TRAK2: variants seen among roughly 807,000 people sequenced by gnomAD.
TRAK2 encodes trafficking kinesin protein 2, also known as trafficking kinesin-binding protein 2.
Under a neutral mutation model 104.6 loss-of-function variants are expected in TRAK2, and 81 were observed. The observed-to-expected ratio is 0.77, with a 90% confidence interval of 0.65 to 0.93. TRAK2 has a LOEUF of 0.93. Ranked by LOEUF, TRAK2 falls within the 40% of genes least tolerant of loss-of-function variation. The pLI, the probability that TRAK2 is intolerant of heterozygous loss-of-function variation, is 0.00. For missense variants in TRAK2, 1,002 were observed against 1,089.0 expected (o/e 0.92, Z 1.12); for synonymous variants, 406 against 394.4 (o/e 1.03, Z -0.35).
intron 1 of TRAK2, among the ~76,000 whole-genome samples, chr2:201,437,685 C>A (rs73049565): frequency 0.012 from 1,876 of 152,154 alleles, 56 homozygotes; most frequent in African/African-American, 0.043. Flanking sequence ...ATTGCTACGG[C>A]CCTAGTTTAA....
At chr2:201,397,970 T>G in intron 6 of TRAK2, 175 bp downstream of exon 6, 1 of 619,994 alleles carries the variant, frequency 1.6e-6, no homozygotes, top group Non-Finnish European at 2.8e-6. Context: ...TATCCACTTT[T>G]CAGTGGGATC....
chr2:201,380,879 CA>C lies in TRAK2; in HGVS notation c.2408del (p.Leu803TrpfsTer16). 1 of 1,613,850 alleles carries C rather than the reference CA, an allele frequency of 6.2e-7. No individual in the cohort carries two copies. The highest frequency in any genetic ancestry group is 8.5e-7 in the Non-Finnish European group (1 of 1,179,944). ...GGAATGTCTCAGCTGGTCGAGAGGC[CA>C]AAAAATTTTCAGAGAGATGCACTCG... ...EPRVHLSENF[L>X]ASRPAETFLQ... On this transcript the variant is annotated frameshift_variant, in exon 16 of 16. Coordinates refer to ENST00000332624, the MANE Select transcript of TRAK2 (RefSeq NM_015049.3). LOFTEE classifies it high-confidence loss of function.
At chr2:201,388,121 A>G (rs1951409594) in intron 12 of TRAK2, 120 bp from the exon 13 acceptor site, 2 of 1,043,582 alleles carry the variant, frequency 1.9e-6, no homozygotes, top group Non-Finnish European at 2.9e-6. Flanking sequence ...ATTTTCCTAG[A>G]TACCTGGAAT....
intron 10 of TRAK2, 87 bp from the exon 11 acceptor site, chr2:201,389,967 T>A: frequency 1.0e-6 from 1 of 1,000,082 alleles, no homozygotes; most frequent in Non-Finnish European, 1.5e-6. Context: ...GGTTTTATAA[T>A]AAAATACAAG....
intron 2 of TRAK2, among the ~76,000 whole-genome samples, chr2:201,417,568 T>C (rs571586677): frequency 6.6e-6 from 1 of 152,252 alleles, no homozygotes; most frequent in African/African-American, 2.4e-5. Context: ...CTCATCCAAT[T>C]TGGAAGAGAA....
At chr2:201,405,989 A>T (rs562387421) in intron 3 of TRAK2, among the ~76,000 whole-genome samples, 55 of 152,338 alleles carry the variant, frequency 3.6e-4, no homozygotes, top group African/African-American at 1.3e-3. Context: ...GTCTCAAAAA[A>T]AAGAAAAGAA....
chr2:201,424,267 T>C (rs1951767290), intron 1 of TRAK2, among the ~76,000 whole-genome samples: 1 of 152,204 alleles, frequency 6.6e-6, no homozygotes, highest in Non-Finnish European at 1.5e-5. Flanking sequence ...CATTTTTAGG[T>C]AGGGAACCAA....
At chr2:201,413,944 C>T (rs749245718) in intron 2 of TRAK2, among the ~76,000 whole-genome samples, 5 of 152,170 alleles carry the variant, frequency 3.3e-5, no homozygotes, top group African/African-American at 9.7e-5. Context: ...TGGCATCAGA[C>T]GTAGCTTCTG....
chr2:201,400,643 G>C (rs973923876), intron 4 of TRAK2, among the ~76,000 whole-genome samples: 1 of 152,030 alleles, frequency 6.6e-6, no homozygotes, highest in African/African-American at 2.4e-5. Flanking sequence ...TAAAAAAGGG[G>C]AGATGCTCCA....
rs1420394645 is a variant in TRAK2, at chr2:201,432,154, T to C, written c.-199-11448A>G. On this transcript the variant is annotated intron_variant, in intron 1 of 15. Transcript: ENST00000332624. ...TCTCAATTGCTTGATAGCATCTTCT[T>C]TCAACCTAAGAAAGAATTTACTTCC... 2.0e-5 allele frequency among the ~76,000 whole-genome samples: 3 copies of C among 152,228 alleles called. No homozygotes were observed. In the East Asian group the frequency reaches 5.8e-4, roughly 29 times the overall value.
chr2:201,391,341 T>C (rs1484318764), intron 10 of TRAK2, among the ~76,000 whole-genome samples: 7 of 151,970 alleles, frequency 4.6e-5, no homozygotes. Flanking sequence ...AATGAACAAA[T>C]AAATGGGACA....
Position 201,407,450 on chromosome 2 carries a change from G to C in TRAK2, c.239C>G (p.Ser80Cys). The stretch of plus-strand genomic sequence containing the variant: ...AGCAAGGACTGGAGAGAGAGCATCA[G>C]ATGCATGCTGCCGCTGGTGTGGAGA... ...TQSPHQRQHA[S>C]DALSPVLAEE... Residue 80 changes from serine to cysteine, a missense_variant, in exon 3 of 16, where the codon TCT becomes TGT. Transcript: ENST00000332624. 6.2e-7 allele frequency: 1 copy of C among 1,614,074 alleles called. No individual in the cohort carries two copies.
At chr2:201,393,185 C>G (rs1458751853) in intron 9 of TRAK2, 139 bp from the exon 10 acceptor site, 3 of 825,526 alleles carry the variant, frequency 3.6e-6, no homozygotes, top group Non-Finnish European at 5.4e-6. Context: ...AATACAAAGA[C>G]TAAAACAAAC....
chr2:201,386,585 C>T, intron 13 of TRAK2, 101 bp from the exon 14 acceptor site: 2 of 1,405,474 alleles, frequency 1.4e-6, no homozygotes, highest in South Asian at 2.7e-5. Context: ...ATAATGACAG[C>T]AATAAAACTA....
At chr2:201,389,536 T>C in intron 11 of TRAK2, 33 bp from the exon 12 acceptor site, 1 of 1,589,032 alleles carries the variant, frequency 6.3e-7, no homozygotes, top group Non-Finnish European at 8.6e-7. Flanking sequence ...TTATTATCAC[T>C]GCTAGCCACT....
At chr2:201,416,607 AT>A (rs1399996305) in intron 2 of TRAK2, among the ~76,000 whole-genome samples, 1 of 152,158 alleles carries the variant, frequency 6.6e-6, no homozygotes, top group Non-Finnish European at 1.5e-5. Context: ...TTAATTCATA[AT>A]TAGCAATTTA....
chr2:201,405,711 G>A (rs183465520), intron 3 of TRAK2, among the ~76,000 whole-genome samples: 4 of 152,268 alleles, frequency 2.6e-5, no homozygotes, highest in Admixed American at 2.0e-4. Flanking sequence ...TAGGCCGGGC[G>A]CAGTGGCTCA....
At chr2:201,403,038 G>A (rs977390887) in intron 3 of TRAK2, among the ~76,000 whole-genome samples, 1 of 150,582 alleles carries the variant, frequency 6.6e-6, no homozygotes, top group African/African-American at 2.4e-5. Flanking sequence ...AAGATGAAGT[G>A]GCAGATTTAA....
At chr2:201,404,902 T>C (rs1951580394) in intron 3 of TRAK2, among the ~76,000 whole-genome samples, 1 of 152,098 alleles carries the variant, frequency 6.6e-6, no homozygotes, top group Non-Finnish European at 1.5e-5. Flanking sequence ...CCCTTGCTGC[T>C]ACGATATAGC....
Sources: allele counts gnomAD v4.1 joint callset (sites outside exome capture counted in the v4.1 genomes callset), GRCh38; gene constraint gnomAD v4.1.1; transcripts MANE v1.5; gene names NCBI Gene and HGNC (gene_info 2026-07-23, HGNC 2026-07-21).